Variants in CHRNA1 observed in about 807,000 individuals in gnomAD.
The protein encoded by CHRNA1 is cholinergic receptor nicotinic alpha 1 subunit, also known as acetylcholine receptor subunit alpha.
CHRNA1 carries 35 observed loss-of-function variants against 47.1 expected under a neutral mutation model. The observed-to-expected ratio is 0.74, with a 90% CI of 0.57 to 0.99. The LOEUF is 0.99. Among genes scored for constraint, CHRNA1 ranks in the 50% least tolerant of loss-of-function variants. The pLI is 0.00. For synonymous variants in CHRNA1, 229 were observed against 223.6 expected, an observed-to-expected ratio of 1.02 and a Z score of -0.22; for missense variants, 506 against 591.1, an observed-to-expected ratio of 0.86 and a Z score of 1.49.
At position 174,748,049 on chromosome 2, in the gene CHRNA1, A is replaced by T; in HGVS notation, c.*75T>A. The T allele has an allele frequency of 6.3e-7, 1 of 1,579,558 alleles. No individual in the cohort carries two copies. On this transcript the variant is annotated 3_prime_UTR_variant, in exon 9 of 9. Coordinates refer to ENST00000348749, the MANE Select transcript of CHRNA1 (RefSeq NM_000079.4). ...TTTGATAAGTGCGAGTGGAGCAAGT[A>T]GACAAATCTTCCTCTCCTGCCCTTC...
chr2:174,763,568 A>G (rs1684136600), intron 1 of CHRNA1, among the ~76,000 whole-genome samples: 1 of 152,218 alleles, frequency 6.6e-6, no homozygotes, highest in Non-Finnish European at 1.5e-5. Context: ...TGATATCACC[A>G]GTAAACTTTT....
Position 174,748,837 on chromosome 2 carries a change from T to A in CHRNA1, c.1003-18A>T. 1 of 1,612,980 alleles carries A rather than the reference T, an allele frequency of 6.2e-7. No homozygotes were observed. The highest frequency in any genetic ancestry group is 8.5e-7 in the Non-Finnish European group (1 of 1,179,948). On this transcript the variant is annotated intron_variant, in intron 7 of 8. Coordinates refer to ENST00000348749, the MANE Select transcript of CHRNA1 (RefSeq NM_000079.4). ...ATAAAAACCTAACATAAAAAAGAAA[T>A]CCATGCATGAGAATTATTGTCCAGG...
chr2:174,753,564 G>T lies in CHRNA1; in HGVS notation c.717C>A (p.Ile239=). Reference sequence around the variant, plus strand: ...AGAAGGAGAAGAGCAGGCAGGGGATGATGACGTTGACGATGAAGTAGAGGG... The same window carrying T: ...AGAAGGAGAAGAGCAGGCAGGGGATTATGACGTTGACGATGAAGTAGAGGG... The part of the protein sequence containing the change: ...RLPLYFIVNV[I]IPCLLFSFLT... Residue 239 remains isoleucine, a synonymous_variant, in exon 6 of 9, where the codon ATC becomes ATA. Transcript: ENST00000348749. 3 of 1,614,204 alleles carry T rather than the reference G, an allele frequency of 1.9e-6. No individual in the cohort carries two copies. Among genetic ancestry groups the T allele is most frequent in the Non-Finnish European group, 1.7e-6 (2 of 1,180,038 alleles).
At chr2:174,763,330 G>GCACACA (rs59175013) in intron 1 of CHRNA1, among the ~76,000 whole-genome samples, 30 of 55,144 alleles carry the variant, frequency 5.4e-4, no homozygotes, top group African/African-American at 1.2e-3. Context: ...GCACGCGCGC[G>GCACACA]CACACACACA....
At position 174,764,381 on chromosome 2, in the gene CHRNA1, G is replaced by C. The variant is rs185544602; in HGVS notation, c.14C>G (p.Pro5Arg). The C allele has an allele frequency of 1.2e-6, 2 of 1,613,460 alleles. No individual in the cohort carries two copies. Among genetic ancestry groups the C allele is most frequent in the Middle Eastern group, 1.6e-4 (1 of 6,062 alleles). Residue 5 changes from proline (P) to arginine (R), a missense_variant, in exon 1 of 9, where the codon CCT becomes CGT. Pro to Arg is a moderately radical substitution (Grantham distance 103, BLOSUM62 -2). Transcript: ENST00000348749. MEPW[P>R]LLLLFSLCSA... ...GCAAAGGCTAAAGAGCAGGAGGAGA[G>C]GCCAGGGCTCCATGGGCTACCGGAG... is the stretch of plus-strand genomic sequence containing the variant.
chr2:174,748,011 G>T lies in CHRNA1; in HGVS notation c.*113C>A. ...AAATCTTATCATCAATAATAAGTAT[G>T]GAATATAACACGTTTGATAAGTGCG... is the stretch of plus-strand genomic sequence containing the variant. On this transcript the variant is annotated 3_prime_UTR_variant, in exon 9 of 9. Coordinates refer to ENST00000348749, the MANE Select transcript of CHRNA1 (RefSeq NM_000079.4). The T allele has an allele frequency of 7.6e-7, 1 of 1,312,496 alleles. No homozygotes were observed. Among genetic ancestry groups the T allele is most frequent in the Non-Finnish European group, 1.1e-6 (1 of 928,086 alleles). The allele number at this position is 1,312,496 out of a possible 1,614,324, so 81.3% of individuals were successfully genotyped here.
intron 6 of CHRNA1, 57 bp downstream of exon 6, chr2:174,753,446 A>G: frequency 6.6e-7 from 1 of 1,504,002 alleles, no homozygotes; most frequent in South Asian, 1.1e-5. Flanking sequence ...GCTTCCCCAA[A>G]ATAGCAGCAC....
At chr2:174,751,668 T>A (rs1683853319) in intron 6 of CHRNA1, among the ~76,000 whole-genome samples, 1 of 151,864 alleles carries the variant, frequency 6.6e-6, no homozygotes, top group Non-Finnish European at 1.5e-5. Context: ...TTTCTTTCTT[T>A]TCTTTCTTTT....
chr2:174,755,544 G>C (rs1434571910), intron 4 of CHRNA1, among the ~76,000 whole-genome samples: 1 of 151,440 alleles, frequency 6.6e-6, no homozygotes, highest in Non-Finnish European at 1.5e-5. Flanking sequence ...CTCAGCTCCC[G>C]AGTAGCTGGG....
At chr2:174,764,227 G>A in intron 1 of CHRNA1, 125 bp downstream of exon 1, 1 of 946,600 alleles carries the variant, frequency 1.1e-6, no homozygotes, top group Non-Finnish European at 1.7e-6. Context: ...TGACAGAGCA[G>A]CCCCTGGTTG....
chr2:174,760,391 G>A (rs1269829062), intron 1 of CHRNA1, among the ~76,000 whole-genome samples: 1 of 152,222 alleles, frequency 6.6e-6, no homozygotes, highest in Non-Finnish European at 1.5e-5. Flanking sequence ...ATGATGTACT[G>A]ACACATGGTA....
intron 1 of CHRNA1, among the ~76,000 whole-genome samples, chr2:174,763,697 G>A (rs1684138995): frequency 6.6e-6 from 1 of 151,820 alleles, no homozygotes; most frequent in Non-Finnish European, 1.5e-5. Context: ...CAAATGCTGT[G>A]CAAGGTTTTA....
chr2:174,750,044 T>C lies in CHRNA1; in HGVS notation c.904A>G (p.Met302Val). 6.2e-7 allele frequency: 1 copy of C among 1,614,078 alleles called. No individual in the cohort carries two copies. Among genetic ancestry groups the C allele is most frequent in the Non-Finnish European group, 8.5e-7 (1 of 1,180,026 alleles). Residue 302 changes from methionine to valine, a missense_variant, in exon 7 of 9, where the codon ATG becomes GTG. Coordinates refer to ENST00000348749, the MANE Select transcript of CHRNA1 (RefSeq NM_000079.4). The part of the protein sequence containing the change: ...PLIGKYMLFT[M>V]VFVIASIIIT... ...ATGATGGAGGCAATGACGAACACCATGGTGAACAGCATGTATTTTCCAATC... is the reference window on the plus strand; with the variant it reads ...ATGATGGAGGCAATGACGAACACCACGGTGAACAGCATGTATTTTCCAATC...
intron 5 of CHRNA1, 102 bp from the exon 6 acceptor site, chr2:174,753,842 G>A: frequency 1.8e-6 from 2 of 1,095,480 alleles, no homozygotes; most frequent in Non-Finnish European, 2.7e-6. Flanking sequence ...CAGCTCTGTG[G>A]GTCACACACC....
intron 1 of CHRNA1, among the ~76,000 whole-genome samples, chr2:174,760,033 A>G (rs1165807371): frequency 6.6e-6 from 1 of 152,204 alleles, no homozygotes; most frequent in African/African-American, 2.4e-5. Context: ...TGGCTGCATC[A>G]GATCTCAAGA....
At chr2:174,759,411 G>T in intron 2 of CHRNA1, 36 bp from the exon 3 acceptor site, 1 of 1,613,834 alleles carries the variant, frequency 6.2e-7, no homozygotes, top group Non-Finnish European at 8.5e-7. Context: ...TTATGGGGGA[G>T]AGAGGGGACC....
At chr2:174,754,763 T>G (rs1683940394) in intron 4 of CHRNA1, among the ~76,000 whole-genome samples, 1 of 151,938 alleles carries the variant, frequency 6.6e-6, no homozygotes, top group Non-Finnish European at 1.5e-5. Context: ...GTAATGTTAA[T>G]CTTCATCTAT....
Position 174,764,362 on chromosome 2 carries a change from G to A in CHRNA1, c.33C>T (p.Ser11=). The change falls in exon 1 of 9, where the codon AGC becomes AGT. Residue 11 remains serine (S), a synonymous_variant. Coordinates refer to ENST00000348749, the MANE Select transcript of CHRNA1 (RefSeq NM_000079.4). ...GACCCCAGCACTTACCTGAGCAAAG[G>A]CTAAAGAGCAGGAGGAGAGGCCAGG... MEPWPLLLLF[S]LCSAGLVLGS... 1 of 1,613,450 alleles carries A rather than the reference G, an allele frequency of 6.2e-7. No individual in the cohort carries two copies.
intron 1 of CHRNA1, among the ~76,000 whole-genome samples, chr2:174,760,425 AT>A (rs35450116): frequency 6.6e-6 from 1 of 152,212 alleles, no homozygotes; most frequent in Non-Finnish European, 1.5e-5. Context: ...GCTTGGAAAC[AT>A]TTTACTAAGT....
Sources: gnomAD v4.1 joint callset for allele counts (sites outside exome capture counted in the v4.1 genomes callset) on GRCh38, gnomAD v4.1.1 for gene constraint, MANE v1.5 for transcripts, NCBI Gene and HGNC (gene_info 2026-07-23, HGNC 2026-07-21) for gene names.